The following THEMIS variants were observed in gnomAD, a reference collection of about 807,000 sequenced individuals.
THEMIS encodes protein THEMIS.
A neutral mutation model predicts 52.6 loss-of-function variants in THEMIS; 37 were observed. The ratio of observed to expected loss-of-function variants is 0.70; its 90% CI spans 0.54 to 0.93. The LOEUF is 0.93. THEMIS is among the 40% of genes least tolerant of loss of function. The pLI is 0.00. For synonymous variants in THEMIS, 292 were observed against 272.7 expected (o/e 1.07, Z -0.70); for missense variants, 808 against 763.1 (o/e 1.06, Z -0.69).
chr6:127,831,669 T>C (rs1364433150), intron 2 of THEMIS, among the ~76,000 whole-genome samples: 1 of 152,296 alleles, frequency 6.6e-6, no homozygotes, highest in Non-Finnish European at 1.5e-5. Context: ...ATTTTGGTGA[T>C]TTTTAGATAT....
At chr6:127,859,180 C>T (rs535574327) in intron 1 of THEMIS, among the ~76,000 whole-genome samples, 1 of 152,166 alleles carries the variant, frequency 6.6e-6, no homozygotes, top group South Asian at 2.1e-4. Flanking sequence ...CCCTACCACC[C>T]CCTGCCACTA....
At chr6:127,912,305 C>T (rs1781430789) in intron 1 of THEMIS, among the ~76,000 whole-genome samples, 1 of 152,114 alleles carries the variant, frequency 6.6e-6, no homozygotes, top group East Asian at 1.9e-4. Flanking sequence ...ACTAAATTGC[C>T]TTTGATTTTA....
At chr6:127,751,822 A>T (rs1775653741) in intron 4 of THEMIS, among the ~76,000 whole-genome samples, 1 of 151,682 alleles carries the variant, frequency 6.6e-6, no homozygotes, top group African/African-American at 2.4e-5. Flanking sequence ...AGAATAGTGA[A>T]CTGAAACAAC....
chr6:127,739,773 G>A (rs1348057516), intron 4 of THEMIS, among the ~76,000 whole-genome samples: 4 of 152,192 alleles, frequency 2.6e-5, no homozygotes, highest in Non-Finnish European at 4.4e-5. Flanking sequence ...ATGCTGTACC[G>A]TAACAAATCG....
In THEMIS at chr6:127,893,467, A is replaced by C. The variant is rs891188389; in HGVS notation, c.91+7375T>G. 4.6e-5 allele frequency among the ~76,000 whole-genome samples: 7 copies of C among 152,296 alleles called. 1 individual carries two copies. The South Asian group carries it at 1.0e-3, about 23-fold the overall frequency. ...TTTTTGTAACAAAGGACAAATGTTC[A>C]ATGTTTTAAGTTGACCATGGAATCA... On this transcript the variant is annotated intron_variant, in intron 1 of 5. Transcript: ENST00000368248.
intron 2 of THEMIS, among the ~76,000 whole-genome samples, chr6:127,849,855 A>G (rs1779359892): frequency 6.6e-6 from 1 of 152,048 alleles, no homozygotes; most frequent in Admixed American, 6.6e-5. Flanking sequence ...TGACTAAGAC[A>G]CCAAAAGCAA....
chr6:127,816,340 T>C (rs927782904), intron 3 of THEMIS, among the ~76,000 whole-genome samples: 1 of 152,182 alleles, frequency 6.6e-6, no homozygotes, highest in Non-Finnish European at 1.5e-5. Context: ...TTTATGCTGA[T>C]GACTACCCAA....
intron 1 of THEMIS, among the ~76,000 whole-genome samples, chr6:127,911,724 C>A (rs1434094985): frequency 6.6e-6 from 1 of 151,416 alleles, no homozygotes; most frequent in Non-Finnish European, 1.5e-5. Flanking sequence ...GCCTACATTT[C>A]AAAGGATGTA....
chr6:127,776,012 C>T (rs1427914994), intron 4 of THEMIS, among the ~76,000 whole-genome samples: 1 of 151,912 alleles, frequency 6.6e-6, no homozygotes, highest in Non-Finnish European at 1.5e-5. Context: ...TTCTAATTTT[C>T]CTTGTGATTT....
the THEMIS span, among the ~76,000 whole-genome samples, chr6:127,696,968 G>A: frequency 1.3e-5 from 2 of 151,968 alleles, no homozygotes; most frequent in Admixed American, 1.3e-4. Flanking sequence ...TTTTGGACAC[G>A]CACAATTCAA....
chr6:127,705,068 C>T (rs572015181), downstream of THEMIS, among the ~76,000 whole-genome samples: 19 of 152,248 alleles, frequency 1.2e-4, no homozygotes, highest in African/African-American at 4.1e-4. Context: ...TCAAGATAAA[C>T]ATAAACTCCT....
At chr6:127,871,723 C>A (rs1331552856) in intron 1 of THEMIS, among the ~76,000 whole-genome samples, 10 of 151,980 alleles carry the variant, frequency 6.6e-5, no homozygotes, top group South Asian at 2.1e-4. Flanking sequence ...AGAGAAAAAA[C>A]CAACAAAATA....
chr6:127,744,770 G>A (rs931084342), intron 4 of THEMIS, among the ~76,000 whole-genome samples: 4 of 151,834 alleles, frequency 2.6e-5, no homozygotes, highest in African/African-American at 7.3e-5. Context: ...AGTGCCTGTG[G>A]TTAACGATAC....
chr6:127,822,648 T>C (rs918922027), intron 3 of THEMIS, among the ~76,000 whole-genome samples: 2 of 152,142 alleles, frequency 1.3e-5, no homozygotes, highest in African/African-American at 2.4e-5. Context: ...TAATGGTTAG[T>C]TTTACATATC....
At chr6:127,715,628 G>A (rs909574473) in intron 5 of THEMIS, among the ~76,000 whole-genome samples, 2 of 151,858 alleles carry the variant, frequency 1.3e-5, no homozygotes, top group African/African-American at 4.8e-5. Context: ...TTAAACTAAA[G>A]CTACAGAATA....
intron 2 of THEMIS, among the ~76,000 whole-genome samples, chr6:127,853,859 T>C (rs539422976): frequency 3.3e-4 from 50 of 151,794 alleles, no homozygotes; most frequent in Non-Finnish European, 5.5e-4. Flanking sequence ...GTCAAAGTTA[T>C]TCAGCTAAGA....
At chr6:127,716,395 C>T (rs955047998) in intron 5 of THEMIS, among the ~76,000 whole-genome samples, 16 of 151,812 alleles carry the variant, frequency 1.1e-4, no homozygotes, top group African/African-American at 3.9e-4. Context: ...CAAATGGCTG[C>T]GCCCTTGGCT....
chr6:127,875,119 C>T (rs1195512150), intron 1 of THEMIS, among the ~76,000 whole-genome samples: 3 of 152,224 alleles, frequency 2.0e-5, no homozygotes, highest in Middle Eastern at 3.2e-3. Context: ...ACCTCTGCCC[C>T]TGCAATCAAT....
intron 1 of THEMIS, among the ~76,000 whole-genome samples, chr6:127,918,114 TC>T (rs1158368977): frequency 6.6e-6 from 1 of 152,180 alleles, no homozygotes; most frequent in Non-Finnish European, 1.5e-5. Flanking sequence ...TAGGTCCTAA[TC>T]CCAGCATAGA....
Sources: allele counts gnomAD v4.1 joint callset (sites outside exome capture counted in the v4.1 genomes callset), GRCh38; gene constraint gnomAD v4.1.1; transcripts MANE v1.5; gene names NCBI Gene and HGNC (gene_info 2026-07-23, HGNC 2026-07-21).